The following HPSE2 variants were observed in gnomAD, a reference collection of about 807,000 sequenced individuals.
HPSE2 encodes the protein inactive heparanase-2.
A neutral mutation model predicts 60.5 loss-of-function variants in HPSE2; 38 were observed. The observed-to-expected ratio is 0.63, with a 90% CI of 0.48 to 0.82. The LOEUF is 0.82. Ranked by LOEUF, HPSE2 falls within the 40% of genes least tolerant of loss-of-function variation. The pLI, the probability that HPSE2 is intolerant of heterozygous loss-of-function variation, is 0.00. For missense variants in HPSE2, 713 were observed against 740.4 expected (o/e 0.96, Z 0.43); for synonymous variants, 295 against 293.2 (o/e 1.01, Z -0.06).
At position 98,937,054 on chromosome 10, in the gene HPSE2, C is replaced by G. The variant is rs1417271870; in HGVS notation, c.611-192998G>C. 3.0e-4 allele frequency among the ~76,000 whole-genome samples: 42 copies of G among 139,814 alleles called. 5 individuals are homozygous for G. Among genetic ancestry groups the G allele is most frequent in the African/African-American group, 1.2e-3 (40 of 33,552 alleles). 91.7% of individuals were successfully genotyped at this position (139,814 alleles called of 152,430 possible). On this transcript the variant is annotated intron_variant, in intron 3 of 11. Transcript: ENST00000370552. ...ATTTTAAGTTTTTCAACCTCCTCCT[C>G]TACAACAATATACAATAACGTTTTA...
chr10:98,900,991 T>C (rs143239310), intron 3 of HPSE2, among the ~76,000 whole-genome samples: 70 of 152,318 alleles, frequency 4.6e-4, no homozygotes, highest in Non-Finnish European at 3.2e-4. Context: ...GAAATTGTGG[T>C]ATATTCATAC....
intron 2 of HPSE2, among the ~76,000 whole-genome samples, chr10:99,193,058 A>G (rs1848275935): frequency 6.6e-6 from 1 of 152,200 alleles, no homozygotes; most frequent in African/African-American, 2.4e-5. Context: ...TAAAAGATGA[A>G]CCTATCAAAA....
intron 4 of HPSE2, among the ~76,000 whole-genome samples, chr10:98,725,838 T>C (rs1222859874): frequency 2.0e-5 from 3 of 152,034 alleles, no homozygotes; most frequent in Admixed American, 6.6e-5. Context: ...TATGAACAGA[T>C]ACTTCTCAAA....
At chr10:99,245,085 C>T in the HPSE2 span, among the ~76,000 whole-genome samples, 2 of 151,978 alleles carry the variant, frequency 1.3e-5, no homozygotes, top group South Asian at 4.2e-4. Flanking sequence ...TTAAATTCTT[C>T]TTTTGATTTT....
At chr10:99,216,393 C>T (rs193178036) in intron 2 of HPSE2, among the ~76,000 whole-genome samples, 5 of 152,118 alleles carry the variant, frequency 3.3e-5, no homozygotes, top group Non-Finnish European at 4.4e-5. Flanking sequence ...CAGGGTTTCT[C>T]CATATTGGCC....
At chr10:98,596,248 C>T (rs1202576501) in intron 9 of HPSE2, among the ~76,000 whole-genome samples, 1 of 152,100 alleles carries the variant, frequency 6.6e-6, no homozygotes, top group Non-Finnish European at 1.5e-5. Context: ...CTCTCTGCTC[C>T]CACATTTTAT....
chr10:99,233,843 T>C (rs1047369626), intron 1 of HPSE2, among the ~76,000 whole-genome samples: 1 of 152,084 alleles, frequency 6.6e-6, no homozygotes, highest in Non-Finnish European at 1.5e-5. Context: ...GCGAATCCGG[T>C]CCTGGGGAAA....
At chr10:99,138,672 C>T (rs1845751869) in intron 3 of HPSE2, among the ~76,000 whole-genome samples, 1 of 152,140 alleles carries the variant, frequency 6.6e-6, no homozygotes, top group South Asian at 2.1e-4. Context: ...TGTTCTCACT[C>T]ATAAGTGGGA....
intron 3 of HPSE2, among the ~76,000 whole-genome samples, chr10:98,884,541 T>C (rs1953112977): frequency 6.6e-6 from 1 of 152,110 alleles, no homozygotes; most frequent in Non-Finnish European, 1.5e-5. Context: ...TCAAAAATCT[T>C]AGGTTCTCTA....
intron 9 of HPSE2, among the ~76,000 whole-genome samples, chr10:98,564,060 G>A (rs1284483911): frequency 6.6e-6 from 1 of 152,184 alleles, no homozygotes; most frequent in East Asian, 1.9e-4. Flanking sequence ...GTCCCTCCCA[G>A]CCCTCCTCCC....
chr10:98,937,140 G>T (rs1462893483), intron 3 of HPSE2, among the ~76,000 whole-genome samples: 4 of 143,946 alleles, frequency 2.8e-5, no homozygotes, highest in East Asian at 2.0e-4. Flanking sequence ...CTGGTCTACA[G>T]CTCCCAGCGT....
intron 11 of HPSE2, among the ~76,000 whole-genome samples, chr10:98,466,987 A>C (rs1940562147): frequency 6.7e-6 from 1 of 150,146 alleles, no homozygotes; most frequent in African/African-American, 2.5e-5. Context: ...GCTCCCTTCC[A>C]CCCCCACCTC....
intron 9 of HPSE2, among the ~76,000 whole-genome samples, chr10:98,515,989 C>T (rs74156626): frequency 0.021 from 3,215 of 152,320 alleles, 120 homozygotes; most frequent in African/African-American, 0.072. Flanking sequence ...CTTTTGTACT[C>T]CACCCTGTGG....
chr10:99,018,692 A>G (rs528236924), intron 3 of HPSE2, among the ~76,000 whole-genome samples: 1 of 152,322 alleles, frequency 6.6e-6, no homozygotes, highest in South Asian at 2.1e-4. Context: ...GCTCAATATG[A>G]CAAGGAAAAT....
intron 5 of HPSE2, among the ~76,000 whole-genome samples, chr10:98,719,701 TAAA>T (rs562725586): frequency 2.8e-5 from 3 of 107,256 alleles, no homozygotes; most frequent in Non-Finnish European, 3.8e-5. Context: ...GATGTTGCAT[TAAA>T]AAAAAAAAAA....
chr10:98,632,005 A>G (rs1176962877), intron 7 of HPSE2, among the ~76,000 whole-genome samples: 1 of 152,198 alleles, frequency 6.6e-6, no homozygotes, highest in Admixed American at 6.5e-5. Flanking sequence ...TTCTCCTTTG[A>G]AAGCCTTCCT....
At chr10:98,570,778 C>A (rs500028) in intron 9 of HPSE2, among the ~76,000 whole-genome samples, 1 of 151,944 alleles carries the variant, frequency 6.6e-6, no homozygotes, top group Admixed American at 6.6e-5. Context: ...AGGTCAACTG[C>A]AGTCCCATTA....
chr10:98,877,128 G>A (rs965210450), intron 3 of HPSE2, among the ~76,000 whole-genome samples: 2 of 151,720 alleles, frequency 1.3e-5, no homozygotes, highest in Non-Finnish European at 2.9e-5. Context: ...ATGAATGAGC[G>A]TCCTTCGTTC....
chr10:98,676,746 T>C (rs1347104014), intron 6 of HPSE2, among the ~76,000 whole-genome samples: 1 of 152,168 alleles, frequency 6.6e-6, no homozygotes, highest in Non-Finnish European at 1.5e-5. Flanking sequence ...GATATAGAGC[T>C]TAGGTCCAAG....
Sources: allele counts gnomAD v4.1 joint callset (sites outside exome capture counted in the v4.1 genomes callset), GRCh38; gene constraint gnomAD v4.1.1; transcripts MANE v1.5; gene names NCBI Gene and HGNC (gene_info 2026-07-23, HGNC 2026-07-21).